ITGAV: variants seen among roughly 807,000 people sequenced by gnomAD.
ITGAV encodes the protein integrin subunit alpha V, also known as integrin alpha-V.
A neutral mutation model predicts 143.8 loss-of-function variants in ITGAV; 76 were observed. The ratio of observed to expected loss-of-function variants is 0.53; its 90% confidence interval spans 0.44 to 0.64. ITGAV has a LOEUF of 0.64. Among genes scored for constraint, ITGAV ranks in the 30% least tolerant of loss-of-function variants. The probability of loss-of-function intolerance (pLI) is 0.00; values close to 1 mark genes in which losing one functional copy is unlikely to be tolerated. For synonymous variants in ITGAV, 453 were observed against 446.7 expected (o/e 1.01, Z -0.18); for missense variants, 1,193 against 1,274.7 (o/e 0.94, Z 0.98).
intron 12 of ITGAV, 86 bp from the exon 13 acceptor site, chr2:186,646,598 TTC>T (rs1391595123): frequency 4.4e-6 from 4 of 914,730 alleles, no homozygotes; most frequent in Non-Finnish European, 5.0e-6. Flanking sequence ...TCTTCCCCCC[TTC>T]TCTCGTTCCT....
At chr2:186,599,633 A>C (rs999036163) in intron 1 of ITGAV, among the ~76,000 whole-genome samples, 4 of 151,928 alleles carry the variant, frequency 2.6e-5, no homozygotes, top group Non-Finnish European at 4.4e-5. Flanking sequence ...TCCACCCCCA[A>C]AGTTGGGACC....
chr2:186,640,101 G>A (rs1395517425), intron 10 of ITGAV, among the ~76,000 whole-genome samples: 1 of 152,042 alleles, frequency 6.6e-6, no homozygotes, highest in Non-Finnish European at 1.5e-5. Context: ...TTTTTGGTTT[G>A]TTGACTCATT....
chr2:186,600,165 G>C (rs1037148407), intron 1 of ITGAV: 6 of 583,592 alleles, frequency 1.0e-5, no homozygotes, highest in Non-Finnish European at 6.1e-6. Flanking sequence ...ACCTTATCTT[G>C]TGCCACTCCC....
intron 12 of ITGAV, among the ~76,000 whole-genome samples, chr2:186,642,895 C>A (rs1229820517): frequency 1.3e-5 from 2 of 152,192 alleles, no homozygotes; most frequent in East Asian, 3.9e-4. Context: ...AAAATAGAGG[C>A]TTAAAGATTT....
chr2:186,637,245 G>T (rs1223284945), intron 8 of ITGAV, 136 bp downstream of exon 8: 2 of 692,786 alleles, frequency 2.9e-6, no homozygotes, highest in Non-Finnish European at 5.1e-6. Flanking sequence ...ACTTTGGGAG[G>T]CTGAGGCGGG....
chr2:186,632,435 A>C (rs533951482), intron 5 of ITGAV, among the ~76,000 whole-genome samples: 1 of 152,222 alleles, frequency 6.6e-6, no homozygotes, highest in East Asian at 1.9e-4. Flanking sequence ...TACGTAGCCA[A>C]GGCAAAAGAT....
At chr2:186,658,239 G>A (rs559438805) in intron 17 of ITGAV, among the ~76,000 whole-genome samples, 15 of 152,078 alleles carry the variant, frequency 9.9e-5, no homozygotes, top group African/African-American at 3.1e-4. Flanking sequence ...GTGCAAAAAA[G>A]GTTTTAGAGT....
Position 186,667,058 on chromosome 2 carries a change from G to A in ITGAV, c.2247-92G>A, listed in dbSNP as rs150541773. On this transcript the variant is annotated intron_variant, in intron 22 of 29. Coordinates refer to ENST00000261023, the MANE Select transcript of ITGAV (RefSeq NM_002210.5). ...GAGGTATAAGCTTTACACTTGTTTC[G>A]TTTGTTAATTTTTAGTTTCACTGGG... 5,571 of 875,824 alleles carry A rather than the reference G, an allele frequency of 6.4e-3. 39 individuals are homozygous for A. Among genetic ancestry groups the A allele is most frequent in the African/African-American group, 8.9e-3 (519 of 58,270 alleles). 54.3% of individuals were successfully genotyped at this position (875,824 alleles called of 1,614,324 possible).
chr2:186,659,321 T>A (rs1280197746), intron 18 of ITGAV, 146 bp downstream of exon 18: 4 of 623,864 alleles, frequency 6.4e-6, no homozygotes, highest in Non-Finnish European at 9.4e-6. Context: ...TTTCTATTTT[T>A]TTTTCTTTTT....
At position 186,677,308 on chromosome 2, in the gene ITGAV, T is replaced by C; in HGVS notation, c.*16T>C. On this transcript the variant is annotated 3_prime_UTR_variant, in exon 30 of 30. Coordinates refer to ENST00000261023, the MANE Select transcript of ITGAV (RefSeq NM_002210.5). Reference sequence around the variant, plus strand: ...AGAAACTTAACTGCAGTTTTTAAGTTATGCTACATCTTGACCCACTAGAAT... The same window carrying C: ...AGAAACTTAACTGCAGTTTTTAAGTCATGCTACATCTTGACCCACTAGAAT... 1.3e-6 allele frequency: 2 copies of C among 1,577,638 alleles called. No homozygotes were observed. Among genetic ancestry groups the C allele is most frequent in the Non-Finnish European group, 1.7e-6 (2 of 1,148,350 alleles).
At chr2:186,622,763 CT>C (rs1420394550) in intron 3 of ITGAV, among the ~76,000 whole-genome samples, 1 of 151,194 alleles carries the variant, frequency 6.6e-6, no homozygotes, top group Non-Finnish European at 1.5e-5. Context: ...CTCTCTCTCT[CT>C]TTTTTTTTCT....
chr2:186,630,831 A>G lies in ITGAV; in HGVS notation c.558A>G (p.Gln186=). 1 of 1,586,378 alleles carries G rather than the reference A, an allele frequency of 6.3e-7. No individual in the cohort carries two copies. The highest frequency in any genetic ancestry group is 8.6e-7 in the Non-Finnish European group (1 of 1,156,440). ...ATGCTGATGGACAGGGATTTTGTCA[A>G]GGAGGATTCAGCATTGATTTTACTA... ...DIDADGQGFC[Q]GGFSIDFTKA... The change falls in exon 5 of 30, where the codon CAA becomes CAG. Residue 186 remains glutamine, a synonymous_variant. Transcript: ENST00000261023.
intron 1 of ITGAV, among the ~76,000 whole-genome samples, chr2:186,592,412 G>A (rs1686638514): frequency 6.6e-6 from 1 of 152,168 alleles, no homozygotes. Context: ...TGGCCTGGGC[G>A]ATAGAGAGAG....
rs200306740 is a variant in ITGAV at position 186,677,255 on chromosome 2, A to G, written c.3110A>G (p.Gln1037Arg). The stretch of plus-strand genomic sequence containing the variant: ...GAAGAACAAGAAAGGGAGCAGCTTC[A>G]ACCTCATGAAAATGGTGAAGGAAAC... ...PQEEQEREQL[Q>R]PHENGEGNSE... Residue 1037 changes from glutamine to arginine, a missense_variant, in exon 30 of 30, where the codon CAA (glutamine) becomes CGA (arginine). Gln to Arg is a conservative substitution (Grantham distance 43, BLOSUM62 1). Coordinates refer to ENST00000261023, the MANE Select transcript of ITGAV (RefSeq NM_002210.5). 1 of 1,613,760 alleles carries G rather than the reference A, an allele frequency of 6.2e-7. No homozygotes were observed. The highest frequency in any genetic ancestry group is 8.5e-7 in the Non-Finnish European group (1 of 1,179,772).
chr2:186,638,537 A>G, intron 10 of ITGAV, 72 bp downstream of exon 10: 1 of 1,102,118 alleles, frequency 9.1e-7, no homozygotes, highest in East Asian at 2.4e-5. Context: ...AAATTTGCGA[A>G]ATAAAACTGT....
intron 4 of ITGAV, among the ~76,000 whole-genome samples, chr2:186,628,954 A>G (rs750174708): frequency 2.0e-5 from 3 of 152,046 alleles, no homozygotes; most frequent in Non-Finnish European, 4.4e-5. Flanking sequence ...TTCCCTAAGC[A>G]TCAGTTTCCC....
chr2:186,653,340 A>G (rs2105728843), intron 15 of ITGAV, among the ~76,000 whole-genome samples: 1 of 152,254 alleles, frequency 6.6e-6, no homozygotes, highest in Non-Finnish European at 1.5e-5. Flanking sequence ...CTTGACCCAT[A>G]TACTACCAAA....
At chr2:186,666,589 A>G in intron 21 of ITGAV, 115 bp from the exon 22 acceptor site, 1 of 508,646 alleles carries the variant, frequency 2.0e-6, no homozygotes, top group Non-Finnish European at 3.4e-6. Flanking sequence ...GTTCAGTTTT[A>G]TTGTAAGCTC....
chr2:186,668,216 A>ATATATAT (rs1553505692), intron 24 of ITGAV, among the ~76,000 whole-genome samples: 1 of 4,200 alleles, frequency 2.4e-4, no homozygotes, highest in African/African-American at 6.3e-4. Flanking sequence ...ATATATATAT[A>ATATATAT]TTTTTTTTTT....
Sources: allele counts gnomAD v4.1 joint callset (sites outside exome capture counted in the v4.1 genomes callset), GRCh38; gene constraint gnomAD v4.1.1; transcripts MANE v1.5; gene names NCBI Gene and HGNC (gene_info 2026-07-23, HGNC 2026-07-21).